ST6GALNAC3: variants seen among roughly 807,000 people sequenced by gnomAD.
ST6GALNAC3 encodes the protein alpha-N-acetylgalactosaminide alpha-2,6-sialyltransferase 3.
Under a neutral mutation model 32.7 loss-of-function variants are expected in ST6GALNAC3, and 25 were observed. The observed-to-expected ratio is 0.76, with a 90% CI of 0.56 to 1.07. The LOEUF (loss-of-function observed/expected upper bound fraction) is 1.07. Among genes scored for constraint, ST6GALNAC3 ranks in the 50% least tolerant of loss-of-function variants. ST6GALNAC3 has a pLI of 0.00. For missense variants in ST6GALNAC3, 355 were observed against 382.4 expected (o/e 0.93, Z 0.60); for synonymous variants, 129 against 133.1 (o/e 0.97, Z 0.21).
intron 1 of ST6GALNAC3, among the ~76,000 whole-genome samples, chr1:76,203,523 T>TTA (rs1553165002): frequency 0.084 from 12,770 of 151,780 alleles, 588 homozygotes; most frequent in African/African-American, 0.12. Context: ...GTGACTTGTG[T>TTA]ATTTTTTTTG....
intron 3 of ST6GALNAC3, among the ~76,000 whole-genome samples, chr1:76,475,707 A>AT (rs1659304713): frequency 1.3e-5 from 2 of 152,080 alleles, no homozygotes; most frequent in African/African-American, 2.4e-5. Context: ...TATTTTATTT[A>AT]TTTTTTATTC....
chr1:76,141,033 C>A (rs764938096), intron 1 of ST6GALNAC3, among the ~76,000 whole-genome samples: 20 of 151,850 alleles, frequency 1.3e-4, no homozygotes, highest in Admixed American at 1.3e-3. Context: ...GGATGAAAGA[C>A]GGAATGGACG....
intron 3 of ST6GALNAC3, among the ~76,000 whole-genome samples, chr1:76,502,968 G>A (rs760725194): frequency 4.6e-5 from 7 of 152,100 alleles, no homozygotes; most frequent in Non-Finnish European, 7.3e-5. Flanking sequence ...AGGATGTGTG[G>A]GCAAAAATAC....
intron 3 of ST6GALNAC3, among the ~76,000 whole-genome samples, chr1:76,587,247 G>C (rs1461412313): frequency 6.6e-6 from 1 of 152,186 alleles, no homozygotes; most frequent in East Asian, 1.9e-4. Flanking sequence ...GACTCACTTT[G>C]GGAGGTGGAA....
intron 2 of ST6GALNAC3, among the ~76,000 whole-genome samples, chr1:76,396,535 T>C (rs11162147): frequency 0.21 from 31,439 of 152,090 alleles, 3,858 homozygotes; most frequent in East Asian, 0.6. Flanking sequence ...GCCCTTTTTT[T>C]CCCCTATAAA....
chr1:76,236,521 T>C (rs1277831654), intron 1 of ST6GALNAC3, among the ~76,000 whole-genome samples: 1 of 152,334 alleles, frequency 6.6e-6, no homozygotes, highest in Middle Eastern at 3.4e-3. Flanking sequence ...TGTCAGATAC[T>C]ATATTGTCAA....
At chr1:76,433,616 C>T (rs149318236) in intron 3 of ST6GALNAC3, among the ~76,000 whole-genome samples, 306 of 152,280 alleles carry the variant, frequency 2.0e-3, no homozygotes, top group African/African-American at 6.2e-3. Context: ...TCTGTCTTCA[C>T]CACCAAGCAT....
At chr1:76,333,354 AT>A (rs1412728444) in intron 2 of ST6GALNAC3, among the ~76,000 whole-genome samples, 1 of 152,162 alleles carries the variant, frequency 6.6e-6, no homozygotes, top group Non-Finnish European at 1.5e-5. Flanking sequence ...CAAAAATGGA[AT>A]GTGCTATCTT....
intron 1 of ST6GALNAC3, among the ~76,000 whole-genome samples, chr1:76,157,795 A>G (rs1172310759): frequency 6.6e-6 from 1 of 152,196 alleles, no homozygotes; most frequent in Admixed American, 6.5e-5. Flanking sequence ...CTATTCACCC[A>G]TTTAACTATC....
chr1:76,450,321 C>T (rs1657299769), intron 3 of ST6GALNAC3, among the ~76,000 whole-genome samples: 4 of 152,036 alleles, frequency 2.6e-5, no homozygotes, highest in African/African-American at 7.2e-5. Context: ...ATTTGTATTT[C>T]TCTGATCATT....
rs1359288904 is a variant in ST6GALNAC3, at chr1:76,632,747, G to A, written c.*3941G>A. ...GTAGTGTTAATTGGATGTTAATTAT[G>A]AGCTCGGTTTAATTTCAATAAGCAA... is the stretch of plus-strand genomic sequence containing the variant. On this transcript the variant is annotated 3_prime_UTR_variant, in exon 5 of 5. Transcript: ENST00000328299. 1 of 152,020 alleles carries A rather than the reference G, an allele frequency of 6.6e-6. No homozygotes were observed. The highest frequency in any genetic ancestry group is 1.5e-5 in the Non-Finnish European group (1 of 67,988). 9.4% of individuals were successfully genotyped at this position (152,020 alleles called of 1,614,324 possible). A position where few individuals can be genotyped will look rare whatever the true frequency, so the allele number is the denominator to read the frequency against.
At chr1:76,089,754 C>G (rs904314247) in intron 1 of ST6GALNAC3, among the ~76,000 whole-genome samples, 7 of 152,084 alleles carry the variant, frequency 4.6e-5, no homozygotes, top group African/African-American at 1.7e-4. Context: ...AAGGAGGATG[C>G]TAGGTGGTCC....
chr1:76,381,614 CA>C (rs1651719764), intron 2 of ST6GALNAC3, among the ~76,000 whole-genome samples: 1 of 151,868 alleles, frequency 6.6e-6, no homozygotes, highest in Admixed American at 6.6e-5. Flanking sequence ...AATGGGCTAG[CA>C]TTTGAAAGAT....
chr1:76,271,972 G>T (rs1173566592), intron 1 of ST6GALNAC3, among the ~76,000 whole-genome samples: 1 of 152,060 alleles, frequency 6.6e-6, no homozygotes, highest in Non-Finnish European at 1.5e-5. Flanking sequence ...TAGCACAAGG[G>T]AGTGAAACTA....
rs565842925 is a variant in ST6GALNAC3, at chr1:76,630,347, T to C, written c.*1541T>C. 3 of 985,132 alleles carry C rather than the reference T, an allele frequency of 3.0e-6. No homozygotes were observed. Among genetic ancestry groups the C allele is most frequent in the Non-Finnish European group, 3.6e-6 (3 of 829,778 alleles). 61.0% of individuals were successfully genotyped at this position (985,132 alleles called of 1,614,324 possible). ...ACGTATATATACACGTGTGGTTCTATTTAGGTGGGGAAAAAATGAAAAAGC... is the reference window on the plus strand; with the variant it reads ...ACGTATATATACACGTGTGGTTCTACTTAGGTGGGGAAAAAATGAAAAAGC... On this transcript the variant is annotated 3_prime_UTR_variant, in exon 5 of 5. Transcript: ENST00000328299.
chr1:76,482,427 G>A (rs894865492), intron 3 of ST6GALNAC3, among the ~76,000 whole-genome samples: 1 of 152,166 alleles, frequency 6.6e-6, no homozygotes, highest in Non-Finnish European at 1.5e-5. Context: ...ACAACAAAGT[G>A]TGTAATTCAC....
At chr1:76,274,749 G>C (rs1659039157) in intron 1 of ST6GALNAC3, among the ~76,000 whole-genome samples, 1 of 152,138 alleles carries the variant, frequency 6.6e-6, no homozygotes, top group Admixed American at 6.6e-5. Flanking sequence ...GTGGAGGGGG[G>C]TGCTTTTCCA....
chr1:76,235,348 A>G (rs1278201605), intron 1 of ST6GALNAC3, among the ~76,000 whole-genome samples: 1 of 151,934 alleles, frequency 6.6e-6, no homozygotes, highest in African/African-American at 2.4e-5. Flanking sequence ...TCTACAAAAA[A>G]TTAAAACTAT....
chr1:76,124,875 G>A (rs1160908010), intron 1 of ST6GALNAC3, among the ~76,000 whole-genome samples: 1 of 152,132 alleles, frequency 6.6e-6, no homozygotes, highest in Non-Finnish European at 1.5e-5. Context: ...GAAATGTGGA[G>A]CATCTGAACC....
Sources: gnomAD v4.1 joint callset for allele counts (sites outside exome capture counted in the v4.1 genomes callset) on GRCh38, gnomAD v4.1.1 for gene constraint, MANE v1.5 for transcripts, NCBI Gene and HGNC (gene_info 2026-07-23, HGNC 2026-07-21) for gene names.